GALNT2: variants seen among roughly 807,000 people sequenced by gnomAD.
The protein encoded by GALNT2 is polypeptide N-acetylgalactosaminyltransferase 2.
A neutral mutation model predicts 81.4 loss-of-function variants in GALNT2; 31 were observed. That is an observed-to-expected ratio of 0.38 (90% CI 0.29 to 0.51). The LOEUF is 0.51. Ranked by LOEUF, GALNT2 falls within the 20% of genes least tolerant of loss-of-function variation. The pLI is 0.87. For missense variants in GALNT2, 629 were observed against 765.7 expected (o/e 0.82, Z 2.11); for synonymous variants, 303 against 287.4 (o/e 1.05, Z -0.55).
intron 3 of GALNT2, among the ~76,000 whole-genome samples, chr1:230,209,472 G>A (rs1482733302): frequency 6.6e-6 from 1 of 152,198 alleles, no homozygotes; most frequent in African/African-American, 2.4e-5. Flanking sequence ...TGCAAGCCAG[G>A]AAGAGGCCTC....
intron 2 of GALNT2, among the ~76,000 whole-genome samples, chr1:230,197,830 AT>A (rs1663748617): frequency 6.6e-6 from 1 of 151,934 alleles, no homozygotes; most frequent in Non-Finnish European, 1.5e-5. Context: ...TTGAATCCTT[AT>A]CAGTGACACA....
intron 1 of GALNT2, among the ~76,000 whole-genome samples, chr1:230,177,696 G>T (rs1663026212): frequency 6.6e-6 from 1 of 152,078 alleles, no homozygotes; most frequent in Non-Finnish European, 1.5e-5. Context: ...AAAAAGCTTG[G>T]TGGCCCTACC....
At chr1:230,182,059 A>C (rs907346914) in intron 2 of GALNT2, among the ~76,000 whole-genome samples, 1 of 152,174 alleles carries the variant, frequency 6.6e-6, no homozygotes, top group Non-Finnish European at 1.5e-5. Flanking sequence ...TGTCCTTTTC[A>C]TATCCATGGG....
chr1:230,063,745 A>C (rs1659103264), upstream of GALNT2, among the ~76,000 whole-genome samples: 1 of 152,240 alleles, frequency 6.6e-6, no homozygotes, highest in South Asian at 2.1e-4. Flanking sequence ...GTTTTGGGCT[A>C]TAAATTGTCC....
intron 13 of GALNT2, 106 bp downstream of exon 13, chr1:230,263,111 G>A (rs1192602300): frequency 7.9e-6 from 7 of 883,008 alleles, no homozygotes; most frequent in Middle Eastern, 3.1e-4. Flanking sequence ...GCATGAGATT[G>A]GGCACCTGGG....
At chr1:230,134,395 C>T (rs1661470893) in intron 1 of GALNT2, among the ~76,000 whole-genome samples, 1 of 152,222 alleles carries the variant, frequency 6.6e-6, no homozygotes, top group South Asian at 2.1e-4. Flanking sequence ...GTGTGAGCCA[C>T]TGCACCTGGC....
intron 14 of GALNT2, among the ~76,000 whole-genome samples, chr1:230,269,623 A>G (rs1304584936): frequency 6.6e-6 from 1 of 151,984 alleles, no homozygotes; most frequent in Non-Finnish European, 1.5e-5. Flanking sequence ...GGCCTGCTGT[A>G]GTGGTACACA....
intron 6 of GALNT2, among the ~76,000 whole-genome samples, chr1:230,242,414 G>C (rs1558156739): frequency 6.6e-6 from 1 of 152,150 alleles, no homozygotes; most frequent in Non-Finnish European, 1.5e-5. Flanking sequence ...GTACTTAGCA[G>C]ACTTGTCCTC....
intron 1 of GALNT2, among the ~76,000 whole-genome samples, chr1:230,117,302 C>T (rs1206998677): frequency 6.6e-6 from 1 of 152,254 alleles, no homozygotes; most frequent in African/African-American, 2.4e-5. Context: ...ATCCAGACTG[C>T]TCACACCTTC....
chr1:230,225,160 A>T (rs1244301946), intron 3 of GALNT2, among the ~76,000 whole-genome samples: 1 of 152,228 alleles, frequency 6.6e-6, no homozygotes, highest in South Asian at 2.1e-4. Flanking sequence ...TTATGCCATT[A>T]TGACTGTTTG....
chr1:230,093,027 T>C (rs969640626), intron 1 of GALNT2, among the ~76,000 whole-genome samples: 1 of 152,154 alleles, frequency 6.6e-6, no homozygotes, highest in Non-Finnish European at 1.5e-5. Context: ...CCCCCATCTA[T>C]AGGTCAAGAA....
intron 1 of GALNT2, among the ~76,000 whole-genome samples, chr1:230,156,089 G>C (rs947904736): frequency 1.3e-5 from 2 of 152,022 alleles, no homozygotes; most frequent in Non-Finnish European, 2.9e-5. Context: ...GGGAAGAGAA[G>C]AGAGAGTCAT....
intron 1 of GALNT2, among the ~76,000 whole-genome samples, chr1:230,142,613 C>T (rs1049021779): frequency 6.6e-6 from 1 of 152,146 alleles, no homozygotes; most frequent in Admixed American, 6.5e-5. Flanking sequence ...TAGTAAGCAC[C>T]ATTTAAGTGT....
At chr1:230,238,145 C>T (rs1238147944) in intron 6 of GALNT2, among the ~76,000 whole-genome samples, 1 of 152,206 alleles carries the variant, frequency 6.6e-6, no homozygotes, top group Non-Finnish European at 1.5e-5. Context: ...CACACACACT[C>T]ATGTATATAT....
chr1:230,118,626 C>T (rs1660919997), intron 1 of GALNT2, among the ~76,000 whole-genome samples: 1 of 152,110 alleles, frequency 6.6e-6, no homozygotes, highest in African/African-American at 2.4e-5. Flanking sequence ...GGAGCCCTGG[C>T]TTCTTCCCAC....
chr1:230,279,891 G>A lies in GALNT2; in HGVS notation c.*433G>A, dbSNP rs752824002. On this transcript the variant is annotated 3_prime_UTR_variant, in exon 16 of 16. Coordinates refer to ENST00000366672, the MANE Select transcript of GALNT2 (RefSeq NM_004481.5). This position sits in a 1 kb window ranked among gnomAD's most constrained non-coding sequence, Gnocchi z 4.6. ...TGAAATCTCCATTTTCAATCCCTTC[G>A]AAATCACGTATGGTTTCCACAAAGC... 5 of 458,810 alleles carry A rather than the reference G, an allele frequency of 1.1e-5. No homozygotes were observed. The highest frequency in any genetic ancestry group is 6.2e-5 in the South Asian group (4 of 64,584). 28.4% of individuals were successfully genotyped at this position (458,810 alleles called of 1,614,324 possible).
chr1:230,276,333 A>T (rs903342663), intron 15 of GALNT2, among the ~76,000 whole-genome samples: 3 of 152,114 alleles, frequency 2.0e-5, no homozygotes, highest in Non-Finnish European at 4.4e-5. Flanking sequence ...ATGCAAGCAC[A>T]AAAGGTCCTC....
intron 2 of GALNT2, among the ~76,000 whole-genome samples, chr1:230,202,495 A>T (rs1208379156): frequency 6.6e-6 from 1 of 152,200 alleles, no homozygotes; most frequent in African/African-American, 2.4e-5. Flanking sequence ...CCTTTCTTCC[A>T]GGAAGAGAAC....
Position 230,279,835 on chromosome 1 carries a change from A to G in GALNT2, c.*377A>G. 2.1e-6 allele frequency: 1 copy of G among 476,348 alleles called. No homozygotes were observed. Among genetic ancestry groups the G allele is most frequent in the Non-Finnish European group, 4.2e-6 (1 of 240,766 alleles). The allele number at this position is 476,348 out of a possible 1,614,324, so 29.5% of individuals were successfully genotyped here. A position where few individuals can be genotyped will look rare whatever the true frequency, so the allele number is the denominator to read the frequency against. On this transcript the variant is annotated 3_prime_UTR_variant, in exon 16 of 16. Coordinates refer to ENST00000366672, the MANE Select transcript of GALNT2 (RefSeq NM_004481.5). This position sits in a 1 kb window ranked among gnomAD's most constrained non-coding sequence, Gnocchi z 4.6. Reference sequence around the variant, plus strand: ...TGAGGACAGGGCGGGAGGAGGGGGCACACATGCCCCAGGGGAGCGAGGAGA... The same window carrying G: ...TGAGGACAGGGCGGGAGGAGGGGGCGCACATGCCCCAGGGGAGCGAGGAGA...
Sources: gnomAD v4.1 joint callset for allele counts (sites outside exome capture counted in the v4.1 genomes callset) on GRCh38, gnomAD v4.1.1 for gene constraint, Gnocchi (gnomAD v3.1) non-coding constraint, MANE v1.5 for transcripts, NCBI Gene and HGNC (gene_info 2026-07-23, HGNC 2026-07-21) for gene names.